ZNF385D: variants seen among roughly 807,000 people sequenced by gnomAD.
The protein encoded by ZNF385D is zinc finger protein 659.
In ZNF385D, 15 loss-of-function variants were observed where a neutral mutation model predicts 35.8. The observed-to-expected ratio is 0.42, with a 90% confidence interval of 0.28 to 0.64. ZNF385D has a LOEUF of 0.64. Ranked by LOEUF, ZNF385D falls within the 30% of genes least tolerant of loss-of-function variation. The pLI is 0.23. For missense variants in ZNF385D, 474 were observed against 494.6 expected (o/e 0.96, Z 0.39); for synonymous variants, 212 against 186.8 (o/e 1.13, Z -1.10).
At chr3:22,258,924 A>T (rs1359137241) in intron 2 of ZNF385D, among the ~76,000 whole-genome samples, 1 of 151,844 alleles carries the variant, frequency 6.6e-6, no homozygotes, top group Non-Finnish European at 1.5e-5. Context: ...AGAAAAAACT[A>T]GTCTCCTGAG....
chr3:22,235,977 A>G (rs1699156837), intron 2 of ZNF385D, among the ~76,000 whole-genome samples: 2 of 152,292 alleles, frequency 1.3e-5, no homozygotes, highest in African/African-American at 2.4e-5. Context: ...CAAATTTCCT[A>G]TGGAGAGGGG....
chr3:21,971,346 T>C lies in ZNF385D; in HGVS notation c.325+197471A>G, dbSNP rs561885900. Among the ~76,000 whole-genome samples, 5 of 152,172 alleles carry C rather than the reference T, an allele frequency of 3.3e-5. No individual in the cohort carries two copies. The East Asian group carries it at 7.7e-4, about 24-fold the overall frequency. On this transcript the variant is annotated intron_variant, in intron 3 of 5. Coordinates refer to the ZNF385D transcript ENST00000494108. Reference sequence around the variant, plus strand: ...ATGATGTTAAAGTGCAGAATTTTTATTAGTTTTCAATTTACTTGCTTGTTT... The same window carrying C: ...ATGATGTTAAAGTGCAGAATTTTTACTAGTTTTCAATTTACTTGCTTGTTT...
chr3:21,901,838 A>G (rs1448965843), intron 3 of ZNF385D, among the ~76,000 whole-genome samples: 1 of 152,220 alleles, frequency 6.6e-6, no homozygotes, highest in Non-Finnish European at 1.5e-5. Context: ...AAAGGAAAGT[A>G]GAAATACTTG....
chr3:21,815,982 C>CA, intron 3 of ZNF385D, among the ~76,000 whole-genome samples: 1 of 152,150 alleles, frequency 6.6e-6, no homozygotes, highest in East Asian at 1.9e-4. Context: ...GCTTAACTGC[C>CA]ATGATCAAGT....
intron 2 of ZNF385D, among the ~76,000 whole-genome samples, chr3:22,367,343 T>C (rs1046206018): frequency 2.6e-5 from 4 of 152,176 alleles, no homozygotes; most frequent in African/African-American, 9.7e-5. Flanking sequence ...CCCGTCTAGT[T>C]CTTAAACTCA....
chr3:21,763,601 G>A (rs1373471921), intron 3 of ZNF385D, among the ~76,000 whole-genome samples: 1 of 152,082 alleles, frequency 6.6e-6, no homozygotes, highest in South Asian at 2.1e-4. Context: ...GGATGATTAA[G>A]CCCTGTGTAT....
At chr3:22,235,203 C>G (rs904332366) in intron 2 of ZNF385D, among the ~76,000 whole-genome samples, 1 of 152,068 alleles carries the variant, frequency 6.6e-6, no homozygotes, top group Non-Finnish European at 1.5e-5. Context: ...GACCCAAAAT[C>G]TGTGCATTTC....
intron 3 of ZNF385D, among the ~76,000 whole-genome samples, chr3:21,992,944 C>T (rs1695232910): frequency 1.3e-5 from 2 of 152,138 alleles, no homozygotes; most frequent in African/African-American, 4.8e-5. Flanking sequence ...TTTCTAATTA[C>T]CAAATTGTAC....
Position 21,824,770 on chromosome 3 carries a change from T to C in ZNF385D, c.326-159742A>G, listed in dbSNP as rs138752231. The stretch of plus-strand genomic sequence containing the variant: ...TAGTTACACTTAAAATGGAATAGTT[T>C]AATATTTTGATAAATATTTTAGAGC... On this transcript the variant is annotated intron_variant, in intron 3 of 5. Coordinates refer to the ZNF385D transcript ENST00000494108. Among the ~76,000 whole-genome samples the C allele has an allele frequency of 3.9e-4, 59 of 152,298 alleles. 1 individual carries two copies. In the East Asian group the frequency reaches 5.6e-3, roughly 14 times the overall value.
intron 2 of ZNF385D, among the ~76,000 whole-genome samples, chr3:22,176,198 GGT>G (rs144013538): frequency 2.0e-5 from 3 of 151,068 alleles, no homozygotes. Flanking sequence ...CAGCTTCAGT[GGT>G]GTGTGTGTGT....
Position 22,290,819 on chromosome 3 carries a change from C to T in ZNF385D, c.106+81631G>A, listed in dbSNP as rs7632478. Among the ~76,000 whole-genome samples the T allele has an allele frequency of 6.8e-3, 1,029 of 152,178 alleles. 8 individuals carry two copies. The highest frequency in any genetic ancestry group is 0.023 in the African/African-American group (949 of 41,522). ...ATGGAACAGGGAGAGTCAGTAGCCT[C>T]GTATTCCATGTTGCTGATGTCATCC... On this transcript the variant is annotated intron_variant, in intron 2 of 5. Coordinates refer to the ZNF385D transcript ENST00000494108.
At position 21,964,512 on chromosome 3, in the gene ZNF385D, C is replaced by T. The variant is rs370433599; in HGVS notation, c.325+204305G>A. On this transcript the variant is annotated intron_variant, in intron 3 of 5. Transcript: ENST00000494108. ...TTTTTTTTTTTTTTTTTTTCTGAGACGGAGTCTCACTCTGTCGCCCAGGCT... is the reference window on the plus strand; with the variant it reads ...TTTTTTTTTTTTTTTTTTTCTGAGATGGAGTCTCACTCTGTCGCCCAGGCT... Among the ~76,000 whole-genome samples the T allele has an allele frequency of 2.4e-3, 263 of 108,706 alleles. 5 individuals carry two copies. In the South Asian group the frequency reaches 0.028, roughly 12 times the overall value. 71.3% of individuals were successfully genotyped at this position (108,706 alleles called of 152,430 possible). A position where few individuals can be genotyped will look rare whatever the true frequency, so the allele number is the denominator to read the frequency against.
chr3:21,469,251 G>C (rs1208792662), intron 4 of ZNF385D, among the ~76,000 whole-genome samples: 1 of 152,114 alleles, frequency 6.6e-6, no homozygotes, highest in African/African-American at 2.4e-5. Flanking sequence ...TGGAACATGA[G>C]AGGAGGCCAC....
At chr3:21,749,312 T>A (rs1004482142) in intron 1 of ZNF385D, among the ~76,000 whole-genome samples, 6 of 152,174 alleles carry the variant, frequency 3.9e-5, no homozygotes, top group Non-Finnish European at 8.8e-5. Flanking sequence ...GATAATCCAG[T>A]CCAGCATGGA....
chr3:21,505,749 A>G (rs2125451284), intron 4 of ZNF385D, among the ~76,000 whole-genome samples: 1 of 152,236 alleles, frequency 6.6e-6, no homozygotes, highest in Admixed American at 6.5e-5. Context: ...TCCCTGTTTC[A>G]GCTTTTGACT....
chr3:22,299,738 C>T (rs992646133), intron 2 of ZNF385D, among the ~76,000 whole-genome samples: 1 of 151,654 alleles, frequency 6.6e-6, no homozygotes, highest in East Asian at 1.9e-4. Context: ...TAGTAAAATT[C>T]TTAGGAATAA....
intron 3 of ZNF385D, among the ~76,000 whole-genome samples, chr3:22,105,823 A>G (rs561757064): frequency 8.5e-4 from 130 of 152,258 alleles, no homozygotes; most frequent in Non-Finnish European, 4.4e-5. Flanking sequence ...CACAGACAAA[A>G]TAATGTTTAA....
intron 3 of ZNF385D, among the ~76,000 whole-genome samples, chr3:21,515,696 A>T (rs917800821): frequency 6.6e-6 from 1 of 152,214 alleles, no homozygotes; most frequent in Non-Finnish European, 1.5e-5. Context: ...GAGAAATTTA[A>T]TATATAGTTT....
At chr3:21,767,188 A>C (rs1559602207) in intron 3 of ZNF385D, among the ~76,000 whole-genome samples, 1 of 152,032 alleles carries the variant, frequency 6.6e-6, no homozygotes, top group African/African-American at 2.4e-5. Context: ...ATCTTAGAGA[A>C]ATGCAAGGAC....
Sources: allele counts gnomAD v4.1 joint callset (sites outside exome capture counted in the v4.1 genomes callset), GRCh38; gene constraint gnomAD v4.1.1; transcripts MANE v1.5; gene names NCBI Gene and HGNC (gene_info 2026-07-23, HGNC 2026-07-21).